RNF169: variants seen among roughly 807,000 people sequenced by gnomAD.
The protein encoded by RNF169 is ring finger protein 169.
A neutral mutation model predicts 53.9 loss-of-function variants in RNF169; 24 were observed. That is an observed-to-expected ratio of 0.45 (90% CI 0.32 to 0.63). The LOEUF (loss-of-function observed/expected upper bound fraction) is 0.63. Among genes scored for constraint, RNF169 ranks in the 20% least tolerant of loss-of-function variants. The pLI, the probability that RNF169 is intolerant of heterozygous loss-of-function variation, is 0.04. For synonymous variants in RNF169, 396 were observed against 363.5 expected, an observed-to-expected ratio of 1.09 and a Z score of -1.02; for missense variants, 883 against 906.2, an observed-to-expected ratio of 0.97 and a Z score of 0.33.
chr11:74,818,760 T>G (rs2035972170), intron 4 of RNF169, among the ~76,000 whole-genome samples: 1 of 152,166 alleles, frequency 6.6e-6, no homozygotes, highest in African/African-American at 2.4e-5. Flanking sequence ...CACCCTTATC[T>G]CTAGGGTTCA....
intron 1 of RNF169, among the ~76,000 whole-genome samples, chr11:74,784,460 A>C (rs1026356952): frequency 1.3e-5 from 2 of 152,208 alleles, no homozygotes; most frequent in Admixed American, 1.3e-4. Flanking sequence ...AAATCAGTAG[A>C]GGGAGAAGGT....
chr11:74,842,051 CTT>C lies in RNF169; in HGVS notation c.*5323_*5324del, dbSNP rs1219105782. On this transcript the variant is annotated 3_prime_UTR_variant, in exon 6 of 6. Coordinates refer to ENST00000299563, the MANE Select transcript of RNF169 (RefSeq NM_001098638.2). The stretch of plus-strand genomic sequence containing the variant: ...ATACACTGTTTGTTTACTCTCAACT[CTT>C]TGTACAAATATTATTGTCCTAAGGG... 6.6e-6 allele frequency: 1 copy of C among 151,660 alleles called. No individual in the cohort carries two copies. Among genetic ancestry groups the C allele is most frequent in the Non-Finnish European group, 1.5e-5 (1 of 67,964 alleles). The allele number at this position is 151,660 out of a possible 1,614,324, so 9.4% of individuals were successfully genotyped here.
In RNF169 at chr11:74,748,852, A is replaced by C. The variant is rs888561345; in HGVS notation, c.-29A>C. On this transcript the variant is annotated 5_prime_UTR_variant, in exon 1 of 6. Transcript: ENST00000299563. ...CCGCCCTCCACTCTTCTCCCTCGCA[A>C]CCGACTCTCCCTTCAAACGGGAAAC... 1.0e-5 allele frequency: 14 copies of C among 1,375,094 alleles called. No individual in the cohort carries two copies. Among genetic ancestry groups the C allele is most frequent in the Non-Finnish European group, 1.3e-5 (14 of 1,052,708 alleles). The allele number at this position is 1,375,094 out of a possible 1,614,324, so 85.2% of individuals were successfully genotyped here.
chr11:74,810,074 G>C lies in RNF169; in HGVS notation c.577-110G>C, dbSNP rs1228889061. The C allele has an allele frequency of 3.7e-5, 35 of 935,366 alleles. No individual in the cohort carries two copies. The East Asian group carries it at 8.3e-4, about 22-fold the overall frequency. 57.9% of individuals were successfully genotyped at this position (935,366 alleles called of 1,614,324 possible). ...GGCTCTATAGCTGATAAGAAAAACAGTCTCAAAACTGCCATGTGATCTGTT... is the reference window on the plus strand; with the variant it reads ...GGCTCTATAGCTGATAAGAAAAACACTCTCAAAACTGCCATGTGATCTGTT... On this transcript the variant is annotated intron_variant, in intron 2 of 5. Coordinates refer to ENST00000299563, the MANE Select transcript of RNF169 (RefSeq NM_001098638.2).
chr11:74,754,709 T>A (rs532214210), intron 1 of RNF169, among the ~76,000 whole-genome samples: 3 of 152,226 alleles, frequency 2.0e-5, no homozygotes, highest in African/African-American at 7.2e-5. Flanking sequence ...TAGTCCCAGC[T>A]ACCGGGAGGC....
chr11:74,807,391 A>G (rs75019812), intron 2 of RNF169, among the ~76,000 whole-genome samples: 2,004 of 152,140 alleles, frequency 0.013, 32 homozygotes, highest in African/African-American at 0.046. Flanking sequence ...AGCACTTTAT[A>G]TTGGCTCTCT....
chr11:74,839,217 C>G lies in RNF169; in HGVS notation c.*2487C>G, dbSNP rs574697610. ...GTATTGACAGTTGTTTTCTAAACTTCCTGCTGAGCAACAGTCCTTCAAATA... is the reference window on the plus strand; with the variant it reads ...GTATTGACAGTTGTTTTCTAAACTTGCTGCTGAGCAACAGTCCTTCAAATA... On this transcript the variant is annotated 3_prime_UTR_variant, in exon 6 of 6. Coordinates refer to ENST00000299563, the MANE Select transcript of RNF169 (RefSeq NM_001098638.2). 6.6e-6 allele frequency: 1 copy of G among 152,076 alleles called. No homozygotes were observed. The highest frequency in any genetic ancestry group is 1.5e-5 in the Non-Finnish European group (1 of 68,032). The allele number at this position is 152,076 out of a possible 1,614,324, so 9.4% of individuals were successfully genotyped here. A position where few individuals can be genotyped will look rare whatever the true frequency, so the allele number is the denominator to read the frequency against.
chr11:74,766,780 C>G (rs2035180325), intron 1 of RNF169, among the ~76,000 whole-genome samples: 1 of 152,108 alleles, frequency 6.6e-6, no homozygotes, highest in African/African-American at 2.4e-5. Flanking sequence ...GAAATTCTGT[C>G]CATTGAAGAA....
Position 74,749,397 on chromosome 11 carries a change from C to T in RNF169, c.502+15C>T. 1 of 1,246,584 alleles carries T rather than the reference C, an allele frequency of 8.0e-7. No homozygotes were observed. The highest frequency in any genetic ancestry group is 1.0e-6 in the Non-Finnish European group (1 of 991,466). 77.2% of individuals were successfully genotyped at this position (1,246,584 alleles called of 1,614,324 possible). A position where few individuals can be genotyped will look rare whatever the true frequency, so the allele number is the denominator to read the frequency against. ...TGCGGAGCCAGGTGGAGCTTCCCCA[C>T]TTCCCCTTAGGGTCTGGAGCGAGGC... On this transcript the variant is annotated intron_variant, in intron 1 of 5. Coordinates refer to ENST00000299563, the MANE Select transcript of RNF169 (RefSeq NM_001098638.2).
chr11:74,784,275 T>G (rs2035456767), intron 1 of RNF169, among the ~76,000 whole-genome samples: 2 of 152,228 alleles, frequency 1.3e-5, no homozygotes, highest in South Asian at 4.1e-4. Context: ...CCTTCATTTC[T>G]GAGATTGAAA....
chr11:74,801,019 TAAG>T (rs772618547), intron 2 of RNF169, among the ~76,000 whole-genome samples: 61 of 152,376 alleles, frequency 4.0e-4, no homozygotes, highest in Non-Finnish European at 2.1e-4. Flanking sequence ...TCTTATTACA[TAAG>T]AAGAAAATTG....
At chr11:74,779,646 A>AT (rs1414398508) in intron 1 of RNF169, among the ~76,000 whole-genome samples, 3 of 152,134 alleles carry the variant, frequency 2.0e-5, no homozygotes, top group African/African-American at 7.2e-5. Flanking sequence ...GGGGGGTTCA[A>AT]TTCTAGCTGA....
At chr11:74,795,475 C>T (rs2035635082) in intron 2 of RNF169, among the ~76,000 whole-genome samples, 1 of 152,126 alleles carries the variant, frequency 6.6e-6, no homozygotes, top group South Asian at 2.1e-4. Flanking sequence ...CAGCCCGTTT[C>T]CCCCAGTTTT....
intron 1 of RNF169, among the ~76,000 whole-genome samples, chr11:74,768,467 C>T (rs947109050): frequency 8.6e-5 from 13 of 152,028 alleles, no homozygotes; most frequent in African/African-American, 1.7e-4. Flanking sequence ...ATTAGTCAGG[C>T]GTGATGGCGC....
chr11:74,826,238 A>G (rs1565187018), intron 4 of RNF169, among the ~76,000 whole-genome samples: 1 of 152,168 alleles, frequency 6.6e-6, no homozygotes, highest in East Asian at 1.9e-4. Flanking sequence ...AGACATGAGA[A>G]TCGCTTGAAC....
intron 2 of RNF169, 55 bp downstream of exon 2, chr11:74,789,754 A>T: frequency 1.7e-6 from 2 of 1,180,226 alleles, no homozygotes; most frequent in Non-Finnish European, 2.5e-6. Context: ...TAATGACATT[A>T]AAGAATGCTT....
chr11:74,753,671 G>A (rs368851921), intron 1 of RNF169, among the ~76,000 whole-genome samples: 206 of 152,230 alleles, frequency 1.4e-3, no homozygotes, highest in African/African-American at 4.8e-3. Context: ...CAGGCCTGCT[G>A]GAAATGAAAT....
chr11:74,793,521 T>C (rs926413038), intron 2 of RNF169, among the ~76,000 whole-genome samples: 8 of 152,214 alleles, frequency 5.3e-5, no homozygotes, highest in African/African-American at 1.7e-4. Context: ...TTACTTTATT[T>C]AAAAATCCTA....
chr11:74,810,143 G>T, intron 2 of RNF169, 41 bp from the exon 3 acceptor site: 1 of 1,555,776 alleles, frequency 6.4e-7, no homozygotes, highest in Non-Finnish European at 8.7e-7. Context: ...TAAGTTTAGA[G>T]TTGCCTAAAA....
Sources: allele counts gnomAD v4.1 joint callset (sites outside exome capture counted in the v4.1 genomes callset), GRCh38; gene constraint gnomAD v4.1.1; transcripts MANE v1.5; gene names NCBI Gene and HGNC (gene_info 2026-07-23, HGNC 2026-07-21).